The following GAB1 variants were observed in gnomAD, a reference collection of about 807,000 sequenced individuals.
GAB1 encodes GRB2 associated binding protein 1.
In GAB1, 19 loss-of-function variants were observed where a neutral mutation model predicts 66.5. The ratio of observed to expected loss-of-function variants is 0.29; its 90% confidence interval spans 0.20 to 0.42. GAB1 has a LOEUF of 0.42. Ranked by LOEUF, GAB1 falls within the 10% of genes least tolerant of loss-of-function variation. The probability of loss-of-function intolerance (pLI) is 1.00; values close to 1 mark genes in which losing one functional copy is unlikely to be tolerated. For synonymous variants in GAB1, 294 were observed against 301.4 expected, an observed-to-expected ratio of 0.98 and a Z score of 0.25; for missense variants, 732 against 858.5, an observed-to-expected ratio of 0.85 and a Z score of 1.84.
intron 1 of GAB1, chr4:143,382,175 G>C (rs1730684650): frequency 6.6e-6 from 1 of 152,122 alleles, no homozygotes; most frequent in Non-Finnish European, 1.5e-5. Flanking sequence ...GACTAATGCT[G>C]TTTTGTTATG....
At chr4:143,364,454 A>G (rs1159871979) in intron 1 of GAB1, among the ~76,000 whole-genome samples, 2 of 152,234 alleles carry the variant, frequency 1.3e-5, no homozygotes, top group African/African-American at 4.8e-5. Flanking sequence ...TAGAGTACAC[A>G]GGCATAGACA....
chr4:143,374,255 C>CAGA (rs1337762282), intron 1 of GAB1, among the ~76,000 whole-genome samples: 2 of 152,024 alleles, frequency 1.3e-5, no homozygotes, highest in East Asian at 3.9e-4. Flanking sequence ...GTCCATGGAT[C>CAGA]AGAATGTGAT....
chr4:143,362,060 G>A (rs1581227493), intron 1 of GAB1, among the ~76,000 whole-genome samples: 1 of 151,968 alleles, frequency 6.6e-6, no homozygotes, highest in Non-Finnish European at 1.5e-5. Context: ...CCCCTGGCCT[G>A]TAGTGTTAAT....
intron 1 of GAB1, among the ~76,000 whole-genome samples, chr4:143,337,781 G>A (rs1728709266): frequency 1.3e-5 from 2 of 152,160 alleles, no homozygotes. Context: ...TGGTAGTAGA[G>A]ACAAGCATAT....
chr4:143,374,506 A>G (rs3805252), intron 1 of GAB1, among the ~76,000 whole-genome samples: 77,237 of 152,066 alleles, frequency 0.51, 20,616 homozygotes, highest in African/African-American at 0.67. Context: ...TCTAGATTTG[A>G]CATTTGCTTG....
intron 2 of GAB1, among the ~76,000 whole-genome samples, chr4:143,431,107 AT>A (rs1733626327): frequency 6.6e-6 from 1 of 152,168 alleles, no homozygotes; most frequent in Non-Finnish European, 1.5e-5. Context: ...GACAACACAT[AT>A]ATAGCTACAC....
At chr4:143,410,022 T>A (rs2149710865) in intron 1 of GAB1, among the ~76,000 whole-genome samples, 1 of 152,124 alleles carries the variant, frequency 6.6e-6, no homozygotes, top group East Asian at 1.9e-4. Flanking sequence ...ACACTACAAT[T>A]TAGTTGGCTT....
Position 143,470,713 on chromosome 4 carries a change from T to C in GAB1, c.*1524T>C, listed in dbSNP as rs1211688989. 6.6e-6 allele frequency: 1 copy of C among 152,240 alleles called. No homozygotes were observed. Among genetic ancestry groups the C allele is most frequent in the Non-Finnish European group, 1.5e-5 (1 of 68,046 alleles). The allele number at this position is 152,240 out of a possible 1,614,324, so 9.4% of individuals were successfully genotyped here. A position where few individuals can be genotyped will look rare whatever the true frequency, so the allele number is the denominator to read the frequency against. ...GGCATAGAGAAAGGAGTGCCCACAGTTGAGGCATGACCCCCTCCATTCAGA... is the reference window on the plus strand; with the variant it reads ...GGCATAGAGAAAGGAGTGCCCACAGCTGAGGCATGACCCCCTCCATTCAGA... On this transcript the variant is annotated 3_prime_UTR_variant, in exon 10 of 10. Coordinates refer to ENST00000262994, the MANE Select transcript of GAB1 (RefSeq NM_002039.4).
intron 1 of GAB1, among the ~76,000 whole-genome samples, chr4:143,365,140 G>C (rs62337517): frequency 0.042 from 6,459 of 152,078 alleles, 144 homozygotes; most frequent in African/African-American, 0.052. Flanking sequence ...GCCTCCCAAA[G>C]TGCTGAGATT....
Position 143,438,343 on chromosome 4 carries a change from C to T in GAB1, c.938C>T (p.Pro313Leu). The T allele has an allele frequency of 1.2e-6, 2 of 1,614,072 alleles. No homozygotes were observed. Among genetic ancestry groups the T allele is most frequent in the Non-Finnish European group, 1.7e-6 (2 of 1,179,974 alleles). Residue 313 changes from proline to leucine, a missense_variant, in exon 4 of 10, where the codon CCT becomes CTT. Transcript: ENST00000262994. ...ATTAGTTATGACATTCCTCCAACAC[C>T]TGGTAATACTTATCAGATTCCACGA... ...VSISYDIPPTPGNTYQIPRTF... is the reference protein window; with the variant it reads ...VSISYDIPPTLGNTYQIPRTF...
At chr4:143,464,887 G>C (rs1419010525) in intron 8 of GAB1, among the ~76,000 whole-genome samples, 5 of 152,178 alleles carry the variant, frequency 3.3e-5, no homozygotes, top group African/African-American at 1.2e-4. Flanking sequence ...AAGAAATGAA[G>C]TAGCAATATA....
intron 1 of GAB1, among the ~76,000 whole-genome samples, chr4:143,405,951 GA>G (rs1578664667): frequency 6.6e-6 from 1 of 150,806 alleles, no homozygotes; most frequent in Admixed American, 6.6e-5. Flanking sequence ...ACCATGGGGA[GA>G]AAAAAAACTC....
At chr4:143,385,474 T>A (rs1336919347) in intron 1 of GAB1, among the ~76,000 whole-genome samples, 1 of 152,212 alleles carries the variant, frequency 6.6e-6, no homozygotes, top group Non-Finnish European at 1.5e-5. Flanking sequence ...GCTTTCCTCC[T>A]CTCAGAAGAG....
At chr4:143,433,790 T>G in intron 3 of GAB1, 74 bp downstream of exon 3, 1 of 1,202,698 alleles carries the variant, frequency 8.3e-7, no homozygotes, top group Non-Finnish European at 1.2e-6. Context: ...TTCTTACCTT[T>G]AAACTTTTTA....
chr4:143,452,784 CTT>C (rs1467604617), intron 6 of GAB1, among the ~76,000 whole-genome samples: 1 of 152,140 alleles, frequency 6.6e-6, no homozygotes, highest in Non-Finnish European at 1.5e-5. Context: ...ATGCTGCACT[CTT>C]TGTTCAAACC....
chr4:143,410,915 T>G (rs1057154969), intron 1 of GAB1, among the ~76,000 whole-genome samples: 4 of 152,288 alleles, frequency 2.6e-5, no homozygotes, highest in African/African-American at 9.6e-5. Context: ...GCTCCAGCCC[T>G]CAGTACATTC....
At chr4:143,444,443 T>G (rs1006835498) in intron 6 of GAB1, among the ~76,000 whole-genome samples, 5 of 152,144 alleles carry the variant, frequency 3.3e-5, no homozygotes, top group African/African-American at 1.2e-4. Context: ...CAAGCTTAGA[T>G]CCTTAATATT....
At chr4:143,359,410 G>A (rs1431800496) in intron 1 of GAB1, among the ~76,000 whole-genome samples, 1 of 152,108 alleles carries the variant, frequency 6.6e-6, no homozygotes, top group African/African-American at 2.4e-5. Flanking sequence ...TACCCAATAT[G>A]AAAACAGTAA....
chr4:143,403,752 T>A (rs1731896966), intron 1 of GAB1, among the ~76,000 whole-genome samples: 1 of 152,248 alleles, frequency 6.6e-6, no homozygotes, highest in East Asian at 1.9e-4. Context: ...TCCTTCTCTT[T>A]AGATGAAGTT....
Sources: allele counts gnomAD v4.1 joint callset (sites outside exome capture counted in the v4.1 genomes callset), GRCh38; gene constraint gnomAD v4.1.1; transcripts MANE v1.5; gene names NCBI Gene and HGNC (gene_info 2026-07-23, HGNC 2026-07-21).